The following EPHA5 variants were observed in gnomAD, a reference collection of about 807,000 sequenced individuals.
EPHA5 encodes EPH receptor A5.
A neutral mutation model predicts 105.0 loss-of-function variants in EPHA5; 60 were observed. That is an observed-to-expected ratio of 0.57 (90% CI 0.46 to 0.71). The LOEUF is 0.71. EPHA5 is among the 30% of genes least tolerant of loss of function. The pLI is 0.00. For synonymous variants in EPHA5, 513 were observed against 449.1 expected (o/e 1.14, Z -1.80); for missense variants, 1,218 against 1,274.7 (o/e 0.96, Z 0.68).
chr4:65,622,514 A>C (rs1745791247), intron 2 of EPHA5, among the ~76,000 whole-genome samples: 1 of 152,174 alleles, frequency 6.6e-6, no homozygotes, highest in Admixed American at 6.5e-5. Context: ...GGACCATGAC[A>C]AAGTATTCAC....
At chr4:65,422,529 T>C (rs928460152) in intron 5 of EPHA5, among the ~76,000 whole-genome samples, 1 of 152,078 alleles carries the variant, frequency 6.6e-6, no homozygotes, top group Admixed American at 6.6e-5. Context: ...TGATGGGTGA[T>C]GTCAAATCAT....
chr4:65,563,503 T>C (rs1226660514), intron 3 of EPHA5, among the ~76,000 whole-genome samples: 2 of 152,078 alleles, frequency 1.3e-5, no homozygotes, highest in African/African-American at 4.8e-5. Context: ...ACATAATGGT[T>C]AGATTTTAGG....
At chr4:65,544,147 A>G (rs1331658803) in intron 3 of EPHA5, among the ~76,000 whole-genome samples, 1 of 152,178 alleles carries the variant, frequency 6.6e-6, no homozygotes, top group Admixed American at 6.6e-5. Flanking sequence ...AGGCAATACC[A>G]TTCAGAACAT....
chr4:65,517,503 A>C (rs1420944391), intron 3 of EPHA5, among the ~76,000 whole-genome samples: 1 of 151,924 alleles, frequency 6.6e-6, no homozygotes, highest in Non-Finnish European at 1.5e-5. Flanking sequence ...TTGTAGAATT[A>C]AGCCAGTTAT....
chr4:65,397,711 T>C (rs977108818), intron 8 of EPHA5, among the ~76,000 whole-genome samples: 3 of 152,074 alleles, frequency 2.0e-5, no homozygotes, highest in Non-Finnish European at 4.4e-5. Context: ...CTTGAGGCCA[T>C]CAAACTCCCA....
At chr4:65,601,264 C>T (rs548498886) in intron 3 of EPHA5, among the ~76,000 whole-genome samples, 6 of 151,778 alleles carry the variant, frequency 4.0e-5, no homozygotes, top group Non-Finnish European at 7.4e-5. Context: ...TTTTATACAG[C>T]AAATAAAGAG....
intron 3 of EPHA5, among the ~76,000 whole-genome samples, chr4:65,496,952 T>C (rs896835853): frequency 2.0e-4 from 30 of 152,206 alleles, no homozygotes; most frequent in Non-Finnish European, 3.8e-4. Flanking sequence ...TAAATGCGCA[T>C]GAAGTAAATC....
chr4:65,596,004 A>G (rs1743142854), intron 3 of EPHA5, among the ~76,000 whole-genome samples: 1 of 152,206 alleles, frequency 6.6e-6, no homozygotes, highest in Non-Finnish European at 1.5e-5. Context: ...ATTTTTACTC[A>G]GAATTCATGT....
At chr4:65,646,245 A>T (rs1200543079) in intron 1 of EPHA5, among the ~76,000 whole-genome samples, 1 of 152,110 alleles carries the variant, frequency 6.6e-6, no homozygotes, top group Non-Finnish European at 1.5e-5. Context: ...TATCTCTAAA[A>T]CACTGAATGC....
chr4:65,524,914 T>C lies in EPHA5; in HGVS notation c.911-29371A>G, dbSNP rs1028399187. 5.3e-5 allele frequency among the ~76,000 whole-genome samples: 8 copies of C among 151,758 alleles called. No individual in the cohort carries two copies. In the East Asian group the frequency reaches 1.5e-3, roughly 29 times the overall value. ...CTCCTGAGTTTTGTGTTTACAAGTA[T>C]CTCATCCTTCAAAGAAAGATCTGCT... On this transcript the variant is annotated intron_variant, in intron 3 of 16. Transcript: ENST00000613740.
intron 1 of EPHA5, among the ~76,000 whole-genome samples, chr4:65,661,264 C>T (rs908360226): frequency 5.3e-5 from 8 of 151,824 alleles, no homozygotes; most frequent in Non-Finnish European, 1.0e-4. Flanking sequence ...TGTTTGTATG[C>T]TTTTGTTGTT....
chr4:65,326,678 T>C (rs1720109567), intron 16 of EPHA5, among the ~76,000 whole-genome samples: 1 of 151,384 alleles, frequency 6.6e-6, no homozygotes, highest in Non-Finnish European at 1.5e-5. Flanking sequence ...TGCTGGATAA[T>C]TTAATTAGGA....
chr4:65,611,917 C>T (rs28631317), intron 2 of EPHA5, among the ~76,000 whole-genome samples: 46,191 of 148,818 alleles, frequency 0.31, 7,220 homozygotes, highest in Non-Finnish European at 0.33. Context: ...GAAATTGAGG[C>T]TATCCAGGAG....
In EPHA5 at chr4:65,623,983, A is replaced by C. The variant is rs139512834; in HGVS notation, c.246+19380T>G. Among the ~76,000 whole-genome samples, 19 of 152,306 alleles carry C rather than the reference A, an allele frequency of 1.2e-4. 1 individual carries two copies. In the East Asian group the frequency reaches 1.9e-3, roughly 15 times the overall value. On this transcript the variant is annotated intron_variant, in intron 2 of 16. Transcript: ENST00000613740. ...GACAAAATGACTATATGCCAAGCAAAACTTTAGAAAATGCTAAAAATGTAT... is the reference window on the plus strand; with the variant it reads ...GACAAAATGACTATATGCCAAGCAACACTTTAGAAAATGCTAAAAATGTAT...
intron 1 of EPHA5, among the ~76,000 whole-genome samples, chr4:65,649,571 A>T (rs938639911): frequency 1.3e-5 from 2 of 152,164 alleles, no homozygotes; most frequent in Non-Finnish European, 1.5e-5. Context: ...TAAACCTCAC[A>T]TTCCCATCCA....
chr4:65,637,609 AAAAC>A (rs1747263370), intron 2 of EPHA5, among the ~76,000 whole-genome samples: 1 of 101,170 alleles, frequency 9.9e-6, no homozygotes, highest in African/African-American at 3.2e-5. Flanking sequence ...CGTATATGCT[AAAAC>A]AAACAAAACC....
At chr4:65,594,259 A>G (rs1474208035) in intron 3 of EPHA5, among the ~76,000 whole-genome samples, 1 of 152,180 alleles carries the variant, frequency 6.6e-6, no homozygotes, top group African/African-American at 2.4e-5. Context: ...TATCCAGTGC[A>G]TCTTATTTTA....
At chr4:65,365,652 T>TAC (rs1171186902) in intron 10 of EPHA5, among the ~76,000 whole-genome samples, 2 of 16,692 alleles carry the variant, frequency 1.2e-4, no homozygotes, top group Admixed American at 1.0e-3. Flanking sequence ...AAATTCACTA[T>TAC]ATATATATAT....
chr4:65,495,215 A>C (rs1731802774), intron 4 of EPHA5, among the ~76,000 whole-genome samples, 173 bp downstream of exon 4: 1 of 152,164 alleles, frequency 6.6e-6, no homozygotes, highest in Non-Finnish European at 1.5e-5. Flanking sequence ...AAGAGACTCA[A>C]ATTTTTCAGT....
Sources: allele counts gnomAD v4.1 joint callset (sites outside exome capture counted in the v4.1 genomes callset), GRCh38; gene constraint gnomAD v4.1.1; transcripts MANE v1.5; gene names NCBI Gene and HGNC (gene_info 2026-07-23, HGNC 2026-07-21).